PRKN: variants seen among roughly 807,000 people sequenced by gnomAD.
PRKN encodes the protein E3 ubiquitin-protein ligase parkin.
PRKN carries 56 observed loss-of-function variants against 59.5 expected under a neutral mutation model. The ratio of observed to expected loss-of-function variants is 0.94; its 90% CI spans 0.76 to 1.18. PRKN has a LOEUF of 1.18. Among genes scored for constraint, PRKN ranks in the 50% most tolerant of loss-of-function variants. The pLI is 0.00. For missense variants in PRKN, 657 were observed against 596.4 expected (o/e 1.10, Z -1.06); for synonymous variants, 250 against 222.1 (o/e 1.13, Z -1.12).
At chr6:161,863,853 T>C (rs924206878) in intron 6 of PRKN, among the ~76,000 whole-genome samples, 3 of 152,226 alleles carry the variant, frequency 2.0e-5, no homozygotes, top group Non-Finnish European at 4.4e-5. Flanking sequence ...GGTTTCCCAG[T>C]GCATATAAAA....
intron 7 of PRKN, among the ~76,000 whole-genome samples, chr6:161,649,532 T>C (rs6925527): frequency 0.5 from 76,081 of 152,090 alleles, 21,966 homozygotes; most frequent in African/African-American, 0.81. Context: ...TCTTAAGCTG[T>C]TTATATAAAC....
chr6:162,671,226 C>A (rs546613969), intron 1 of PRKN, among the ~76,000 whole-genome samples: 9 of 152,098 alleles, frequency 5.9e-5, no homozygotes, highest in South Asian at 2.1e-4. Context: ...TCAGGCCAGG[C>A]GTGGTGGCTC....
chr6:162,281,039 C>T (rs551719663), intron 2 of PRKN, among the ~76,000 whole-genome samples: 5 of 152,044 alleles, frequency 3.3e-5, no homozygotes, highest in South Asian at 4.2e-4. Context: ...CAGAAAAAAA[C>T]ACTGCATCCA....
intron 1 of PRKN, among the ~76,000 whole-genome samples, chr6:162,613,277 T>TAACC (rs1189922030): frequency 2.0e-5 from 3 of 152,214 alleles, no homozygotes; most frequent in African/African-American, 7.2e-5. Context: ...ACAGCAGCTT[T>TAACC]AACCAACCAA....
At chr6:162,501,957 A>C (rs1793395863) in intron 1 of PRKN, among the ~76,000 whole-genome samples, 1 of 152,162 alleles carries the variant, frequency 6.6e-6, no homozygotes. Flanking sequence ...GAAAAAGACG[A>C]ATTAAGTAAT....
chr6:161,656,980 C>T (rs764938443), intron 7 of PRKN, among the ~76,000 whole-genome samples: 10 of 152,148 alleles, frequency 6.6e-5, no homozygotes, highest in Admixed American at 2.0e-4. Context: ...TGGTACTTGG[C>T]GCCAACAGAT....
intron 3 of PRKN, among the ~76,000 whole-genome samples, chr6:162,207,359 G>A (rs367943323): frequency 3.7e-4 from 56 of 152,138 alleles, no homozygotes; most frequent in African/African-American, 1.2e-3. Flanking sequence ...GTGACAGAGC[G>A]AGACTCTGTC....
chr6:161,933,312 AATAT>A (rs1463170743), intron 6 of PRKN, among the ~76,000 whole-genome samples: 8 of 152,124 alleles, frequency 5.3e-5, no homozygotes, highest in African/African-American at 1.7e-4. Flanking sequence ...GAGAAAATAA[AATAT>A]ATATTTATTA....
chr6:162,029,072 T>C (rs1350515484), intron 5 of PRKN, among the ~76,000 whole-genome samples: 3 of 152,128 alleles, frequency 2.0e-5, no homozygotes, highest in Non-Finnish European at 2.9e-5. Context: ...TGTGCCCAAA[T>C]ACAATCAGAA....
At chr6:162,293,827 C>T (rs747348641) in intron 2 of PRKN, among the ~76,000 whole-genome samples, 5 of 152,002 alleles carry the variant, frequency 3.3e-5, no homozygotes, top group African/African-American at 7.2e-5. Flanking sequence ...AGAGAGTGCC[C>T]GCCACCGCAC....
intron 2 of PRKN, among the ~76,000 whole-genome samples, chr6:162,285,195 A>G (rs1310240583): frequency 1.3e-5 from 2 of 151,624 alleles, no homozygotes; most frequent in Non-Finnish European, 2.9e-5. Context: ...GAATTATACA[A>G]CATTTTACTG....
intron 4 of PRKN, among the ~76,000 whole-genome samples, chr6:162,112,900 A>G (rs1780503552): frequency 6.6e-6 from 1 of 152,176 alleles, no homozygotes; most frequent in African/African-American, 2.4e-5. Flanking sequence ...TCCACCCTGC[A>G]CAACAGAGCA....
intron 4 of PRKN, among the ~76,000 whole-genome samples, chr6:162,137,082 CTCAA>C (rs1476088810): frequency 6.6e-6 from 1 of 151,672 alleles, no homozygotes; most frequent in Non-Finnish European, 1.5e-5. Flanking sequence ...AAAAGAAACA[CTCAA>C]TCTATTCTAA....
chr6:162,064,137 T>C (rs1226911874), intron 4 of PRKN, among the ~76,000 whole-genome samples: 8 of 152,118 alleles, frequency 5.3e-5, no homozygotes, highest in African/African-American at 1.7e-4. Context: ...CAAAACACCA[T>C]ATTTACCAAA....
intron 4 of PRKN, among the ~76,000 whole-genome samples, chr6:162,193,299 C>G (rs1195207078): frequency 6.6e-6 from 1 of 152,172 alleles, no homozygotes; most frequent in Non-Finnish European, 1.5e-5. Flanking sequence ...AGAGTAACAA[C>G]GAATTGGCTA....
At chr6:162,168,460 T>G (rs186932364) in intron 4 of PRKN, among the ~76,000 whole-genome samples, 1 of 149,346 alleles carries the variant, frequency 6.7e-6, no homozygotes, top group African/African-American at 2.5e-5. Context: ...TTCTTTGCAT[T>G]ATGCATGGAA....
intron 1 of PRKN, among the ~76,000 whole-genome samples, chr6:162,634,372 G>A (rs1015537972): frequency 6.6e-6 from 1 of 152,068 alleles, no homozygotes; most frequent in African/African-American, 2.4e-5. Context: ...GCTCACACCT[G>A]TAATCCCAGT....
At chr6:162,042,921 T>C (rs1468316869) in intron 5 of PRKN, among the ~76,000 whole-genome samples, 1 of 152,148 alleles carries the variant, frequency 6.6e-6, no homozygotes, top group Non-Finnish European at 1.5e-5. Context: ...ATTAGTAAGT[T>C]AGATAACTAC....
At chr6:161,853,474 T>C (rs1448896752) in intron 6 of PRKN, among the ~76,000 whole-genome samples, 1 of 152,186 alleles carries the variant, frequency 6.6e-6, no homozygotes, top group East Asian at 1.9e-4. Flanking sequence ...GCTTTTGAAG[T>C]CAATATTCAA....
Sources: allele counts gnomAD v4.1 joint callset (sites outside exome capture counted in the v4.1 genomes callset), GRCh38; gene constraint gnomAD v4.1.1; transcripts MANE v1.5; gene names NCBI Gene and HGNC (gene_info 2026-07-23, HGNC 2026-07-21).